SESN1: variants seen among roughly 807,000 people sequenced by gnomAD.
SESN1 encodes sestrin 1, also known as sestrin-1.
Under a neutral mutation model 59.3 loss-of-function variants are expected in SESN1, and 30 were observed. That is an observed-to-expected ratio of 0.51 (90% CI 0.38 to 0.69). The LOEUF is 0.69. Ranked by LOEUF, SESN1 falls within the 30% of genes least tolerant of loss-of-function variation. The pLI, the probability that SESN1 is intolerant of heterozygous loss-of-function variation, is 0.00. For synonymous variants in SESN1, 197 were observed against 219.9 expected, an observed-to-expected ratio of 0.90 and a Z score of 0.92; for missense variants, 566 against 673.0, an observed-to-expected ratio of 0.84 and a Z score of 1.76.
Position 108,998,906 on chromosome 6 carries a change from G to A in SESN1, c.730-151C>T, listed in dbSNP as rs1490393589. On this transcript the variant is annotated intron_variant, in intron 4 of 9. Coordinates refer to ENST00000436639, the MANE Select transcript of SESN1 (RefSeq NM_014454.3). ...TTGAAACATGTAGAACCCAGAATTT[G>A]CTAATTTTTATGAATATGCATTCAC... 5.7e-6 allele frequency: 5 copies of A among 875,156 alleles called. No homozygotes were observed. The African/African-American group carries it at 8.6e-5, about 15-fold the overall frequency. 54.2% of individuals were successfully genotyped at this position (875,156 alleles called of 1,614,324 possible). A position where few individuals can be genotyped will look rare whatever the true frequency, so the allele number is the denominator to read the frequency against.
chr6:109,033,902 C>A (rs563514746), intron 1 of SESN1, among the ~76,000 whole-genome samples: 62 of 152,268 alleles, frequency 4.1e-4, no homozygotes, highest in Non-Finnish European at 5.6e-4. Context: ...CTTAAGCATT[C>A]GTAAAGAAGC....
intron 1 of SESN1, among the ~76,000 whole-genome samples, chr6:109,040,663 T>C (rs1562466208): frequency 6.6e-6 from 1 of 151,952 alleles, no homozygotes. Flanking sequence ...TAATCTTTTT[T>C]TTTTTTTTTG....
At chr6:109,007,619 TTGCCTATAGCTGGG>T (rs369800318) in intron 1 of SESN1, among the ~76,000 whole-genome samples, 1,782 of 152,258 alleles carry the variant, frequency 0.012, 13 homozygotes, top group Middle Eastern at 0.037. Flanking sequence ...CTCTGGGAGA[TTGCCTATAGCTGGG>T]TGCTGGCCTT....
chr6:109,084,537 G>A (rs937655837), intron 1 of SESN1, among the ~76,000 whole-genome samples: 6 of 152,074 alleles, frequency 3.9e-5, no homozygotes, highest in South Asian at 2.1e-4. Context: ...TGGGCAACAA[G>A]AGCAACAGTC....
At chr6:109,090,547 A>C (rs560549972) in intron 1 of SESN1, 77 of 152,352 alleles carry the variant, frequency 5.1e-4, no homozygotes, top group African/African-American at 1.9e-3. Flanking sequence ...AAGCTAGAGA[A>C]AAGAAAATGT....
intron 1 of SESN1, among the ~76,000 whole-genome samples, chr6:109,079,839 AAAG>A (rs1235758025): frequency 1.8e-4 from 28 of 152,326 alleles, no homozygotes; most frequent in African/African-American, 5.5e-4. Flanking sequence ...TAACTGAATA[AAAG>A]AATAAGTTGA....
intron 8 of SESN1, among the ~76,000 whole-genome samples, chr6:108,989,407 A>G (rs1005848769): frequency 7.4e-5 from 11 of 149,372 alleles, no homozygotes; most frequent in African/African-American, 2.7e-4. Flanking sequence ...ATATAGATAG[A>G]TATCTCTAGA....
rs1330558931 is a variant in SESN1 at position 108,985,887 on chromosome 6, A to AAGAT, written c.*1653_*1656dup. The stretch of plus-strand genomic sequence containing the variant: ...GTTTCTTTAAATATAAAACATATTG[A>AAGAT]AGATAATAATACTCTATTCCTAGCT... On this transcript the variant is annotated 3_prime_UTR_variant, in exon 10 of 10. Coordinates refer to ENST00000436639, the MANE Select transcript of SESN1 (RefSeq NM_014454.3). Among the ~76,000 whole-genome samples the AAGAT allele has an allele frequency of 2.6e-5, 4 of 152,202 alleles. No individual in the cohort carries two copies. Among genetic ancestry groups the AAGAT allele is most frequent in the East Asian group, 1.9e-4 (1 of 5,196 alleles).
intron 1 of SESN1, among the ~76,000 whole-genome samples, chr6:109,080,998 T>G (rs140054664): frequency 0.014 from 2,062 of 151,848 alleles, 22 homozygotes; most frequent in Non-Finnish European, 0.019. Flanking sequence ...TTGGGTTACA[T>G]CCCGAAGATA....
chr6:109,031,708 A>C lies in SESN1; in HGVS notation c.280-29365T>G, dbSNP rs184548971. Among the ~76,000 whole-genome samples, 318 of 152,306 alleles carry C rather than the reference A, an allele frequency of 2.1e-3. 1 individual carries two copies. The highest frequency in any genetic ancestry group is 2.9e-3 in the Non-Finnish European group (197 of 68,014). On this transcript the variant is annotated intron_variant, in intron 1 of 9. Transcript: ENST00000436639. ...AAGCTCCCAGGGTAGGAAATGGCCC[A>C]TCTTTTTCCAACACTAAAATCCCTT...
chr6:109,010,041 A>G (rs1441646667), intron 1 of SESN1, among the ~76,000 whole-genome samples: 4 of 152,206 alleles, frequency 2.6e-5, no homozygotes, highest in Admixed American at 1.3e-4. Context: ...ACTTTGGCCT[A>G]TAATCAATGC....
At position 109,078,311 on chromosome 6, in the gene SESN1, G is replaced by A. The variant is rs866753429; in HGVS notation, c.279+15484C>T. On this transcript the variant is annotated intron_variant, in intron 1 of 9. Coordinates refer to ENST00000436639, the MANE Select transcript of SESN1 (RefSeq NM_014454.3). The stretch of plus-strand genomic sequence containing the variant: ...GTGGGAGGATCACTTGAACCCAGGA[G>A]ATTGAAGGTGCAGTGAGCTATAGTC... 1.1e-4 allele frequency among the ~76,000 whole-genome samples: 17 copies of A among 152,242 alleles called. No individual in the cohort carries two copies. The Middle Eastern group carries it at 0.014, about 122-fold the overall frequency.
chr6:108,987,404 A>G lies in SESN1; in HGVS notation c.*140T>C, dbSNP rs927439841. The G allele has an allele frequency of 7.4e-6, 4 of 541,068 alleles. No homozygotes were observed. In the African/African-American group the frequency reaches 7.7e-5, roughly 10 times the overall value. The allele number at this position is 541,068 out of a possible 1,614,324, so 33.5% of individuals were successfully genotyped here. On this transcript the variant is annotated 3_prime_UTR_variant, in exon 10 of 10. Coordinates refer to ENST00000436639, the MANE Select transcript of SESN1 (RefSeq NM_014454.3). ...TGCCAGCAGTGGTTTTCCACAGAAA[A>G]ATAGCAGAAACTAAAGGAATCATGG... is the stretch of plus-strand genomic sequence containing the variant.
At chr6:108,998,219 T>C (rs1200613239) in intron 5 of SESN1, among the ~76,000 whole-genome samples, 2 of 152,248 alleles carry the variant, frequency 1.3e-5, no homozygotes, top group Non-Finnish European at 2.9e-5. Flanking sequence ...ATCAATATTA[T>C]TTGGTCCTGA....
intron 1 of SESN1, among the ~76,000 whole-genome samples, chr6:109,018,921 G>C (rs1779967189): frequency 6.6e-6 from 1 of 152,018 alleles, no homozygotes; most frequent in African/African-American, 2.4e-5. Context: ...TTACCTGTGT[G>C]AATCAGATTT....
rs112482131 is a variant in SESN1, at chr6:108,991,079, C to A, written c.1234-244G>T. Reference sequence around the variant, plus strand: ...ATAGTCTCATCTCAAAAAAAAACAACAACAAAAAAAAACTAATAGTCTCTT... The same window carrying A: ...ATAGTCTCATCTCAAAAAAAAACAAAAACAAAAAAAAACTAATAGTCTCTT... On this transcript the variant is annotated intron_variant, in intron 7 of 9. Transcript: ENST00000436639. Among the ~76,000 whole-genome samples, 1,484 of 126,808 alleles carry A rather than the reference C, an allele frequency of 0.012. 34 individuals are homozygous for A. Among genetic ancestry groups the A allele is most frequent in the African/African-American group, 0.025 (991 of 39,022 alleles). The allele number at this position is 126,808 out of a possible 152,430, so 83.2% of individuals were successfully genotyped here.
In SESN1 at chr6:108,987,562, A is replaced by G; in HGVS notation, c.1638T>C (p.Ile546=). ...QAELLYALRA[I]TRYMT ...AAAGGCATCAGGTCATATAGCGGGT[A>G]ATGGCTCTCAGAGCATAAAGGAGTT... The change falls in exon 10 of 10, where the codon ATT becomes ATC. Residue 546 remains isoleucine, a synonymous_variant. Transcript: ENST00000436639. 6.3e-7 allele frequency: 1 copy of G among 1,597,134 alleles called. No homozygotes were observed. Among genetic ancestry groups the G allele is most frequent in the Non-Finnish European group, 8.6e-7 (1 of 1,165,116 alleles).
intron 1 of SESN1, among the ~76,000 whole-genome samples, chr6:109,024,354 G>A (rs1475759435): frequency 6.6e-6 from 1 of 152,066 alleles, no homozygotes; most frequent in Admixed American, 6.6e-5. Flanking sequence ...AATCACAAAG[G>A]AAGAATCAGA....
At chr6:109,009,597 G>T (rs372374445) in intron 1 of SESN1, 4 of 1,045,854 alleles carry the variant, frequency 3.8e-6, no homozygotes, top group Admixed American at 5.4e-5. Context: ...GCGCGGCCCC[G>T]CCCCGCGCCC....
Sources: allele counts gnomAD v4.1 joint callset (sites outside exome capture counted in the v4.1 genomes callset), GRCh38; gene constraint gnomAD v4.1.1; transcripts MANE v1.5; gene names NCBI Gene and HGNC (gene_info 2026-07-23, HGNC 2026-07-21).